Variants in VSNL1 observed in about 807,000 individuals in gnomAD.
The protein encoded by VSNL1 is visinin-like protein 1.
Under a neutral mutation model 20.4 loss-of-function variants are expected in VSNL1, and 6 were observed. The ratio of observed to expected loss-of-function variants is 0.29; its 90% CI spans 0.16 to 0.58. The LOEUF (loss-of-function observed/expected upper bound fraction) is 0.58. VSNL1 is among the 20% of genes least tolerant of loss of function. VSNL1 has a pLI of 0.90. For synonymous variants in VSNL1, 93 were observed against 86.4 expected (o/e 1.08, Z -0.42); for missense variants, 100 against 234.5 (o/e 0.43, Z 3.75).
rs1666078221 is a variant in VSNL1 at position 17,649,509 on chromosome 2, G to A, written c.262G>A (p.Ala88Thr). 4 of 1,614,146 alleles carry A rather than the reference G, an allele frequency of 2.5e-6. No individual in the cohort carries two copies. Among genetic ancestry groups the A allele is most frequent in the Non-Finnish European group, 1.7e-6 (2 of 1,180,026 alleles). ...GTIDFREFIC[A>T]LSITSRGSFE... ...CATTGACTTCCGAGAGTTCATCTGC[G>A]CTCTGTCCATCACCTCCAGGGGCAG... Residue 88 changes from alanine to threonine, a missense_variant, in exon 3 of 4, where the codon GCT (alanine) becomes ACT (threonine). Physicochemically the swap from Ala to Thr is moderately conservative, Grantham distance 58. Coordinates refer to ENST00000295156, the MANE Select transcript of VSNL1 (RefSeq NM_003385.5). The surrounding 1 kb of genome is among the most constrained non-coding windows in gnomAD (Gnocchi z 6.4).
In VSNL1 at chr2:17,555,054, C is replaced by T. The variant is rs769196100; in HGVS notation, c.-6+14136C>T. ...CCACTTAAAGGAAAATCTTTGTGCACATAACTCTGACTACAGGCTGCATAG... is the reference window on the plus strand; with the variant it reads ...CCACTTAAAGGAAAATCTTTGTGCATATAACTCTGACTACAGGCTGCATAG... On this transcript the variant is annotated intron_variant, in intron 1 of 3. Transcript: ENST00000295156. Among the ~76,000 whole-genome samples the T allele has an allele frequency of 1.3e-3, 197 of 151,572 alleles. 1 individual carries two copies. The highest frequency in any genetic ancestry group is 2.1e-3 in the Non-Finnish European group (142 of 67,678).
chr2:17,635,225 G>C (rs1334939644), intron 2 of VSNL1, among the ~76,000 whole-genome samples: 1 of 152,194 alleles, frequency 6.6e-6, no homozygotes, highest in Admixed American at 6.5e-5. Context: ...CTCGGAGATG[G>C]AACACTCAGG....
chr2:17,649,591 A>G lies in VSNL1; in HGVS notation c.344A>G (p.Lys115Arg). ...FNMYDLDGDG[K>R]ITRVEMLEII... ...ATGTATGACCTGGATGGTGATGGCAAGATCACCCGAGTGGAGATGCTGGAG... is the reference window on the plus strand; with the variant it reads ...ATGTATGACCTGGATGGTGATGGCAGGATCACCCGAGTGGAGATGCTGGAG... Residue 115 changes from lysine to arginine, a missense_variant, in exon 3 of 4, where the codon AAG becomes AGG. Coordinates refer to ENST00000295156, the MANE Select transcript of VSNL1 (RefSeq NM_003385.5). This position sits in a 1 kb window ranked among gnomAD's most constrained non-coding sequence, Gnocchi z 6.4. 1 of 1,614,170 alleles carries G rather than the reference A, an allele frequency of 6.2e-7. No individual in the cohort carries two copies. The highest frequency in any genetic ancestry group is 8.5e-7 in the Non-Finnish European group (1 of 1,180,044).
At chr2:17,577,940 G>A (rs918863364) in intron 1 of VSNL1, among the ~76,000 whole-genome samples, 2 of 151,928 alleles carry the variant, frequency 1.3e-5, no homozygotes, top group Admixed American at 6.6e-5. Context: ...TAACCTTCTC[G>A]GTAAGCCTCA....
intron 1 of VSNL1, among the ~76,000 whole-genome samples, chr2:17,554,721 TA>T (rs1195702832): frequency 6.6e-6 from 1 of 152,042 alleles, no homozygotes; most frequent in Non-Finnish European, 1.5e-5. Flanking sequence ...CTTTTTTAAG[TA>T]AAAAGAGTAA....
chr2:17,593,551 T>C lies in VSNL1; in HGVS notation c.162+1315T>C, dbSNP rs76458026. 4.1e-3 allele frequency among the ~76,000 whole-genome samples: 630 copies of C among 152,182 alleles called. 6 individuals are homozygous for C. The highest frequency in any genetic ancestry group is 0.014 in the African/African-American group (584 of 41,520). On this transcript the variant is annotated intron_variant, in intron 2 of 3. Transcript: ENST00000295156. The stretch of plus-strand genomic sequence containing the variant: ...AAGTGGGGAAGACCAAGGGATGAAA[T>C]TGGGGGTATGGCCATGTGGTTAGAT...
intron 2 of VSNL1, among the ~76,000 whole-genome samples, chr2:17,631,533 A>G (rs1665628961): frequency 6.6e-6 from 1 of 152,242 alleles, no homozygotes; most frequent in Non-Finnish European, 1.5e-5. Context: ...ATGGGTCACA[A>G]GTAAGATTTG....
At chr2:17,652,487 G>C (rs1015646448) in intron 3 of VSNL1, among the ~76,000 whole-genome samples, 106 of 152,344 alleles carry the variant, frequency 7.0e-4, no homozygotes, top group Middle Eastern at 3.4e-3. Context: ...TAGTTTCAGA[G>C]GAGTTGGTGG....
At chr2:17,581,717 C>G (rs1664353272) in intron 1 of VSNL1, among the ~76,000 whole-genome samples, 1 of 152,216 alleles carries the variant, frequency 6.6e-6, no homozygotes, top group Non-Finnish European at 1.5e-5. Flanking sequence ...CTGCTTTTCT[C>G]TCCCTAACAG....
At chr2:17,627,718 G>C (rs1434530984) in intron 2 of VSNL1, among the ~76,000 whole-genome samples, 1 of 152,200 alleles carries the variant, frequency 6.6e-6, no homozygotes, top group Non-Finnish European at 1.5e-5. Flanking sequence ...TCAAAAAGCA[G>C]ATCTTAGGTT....
intron 2 of VSNL1, among the ~76,000 whole-genome samples, chr2:17,595,771 C>T (rs536210419): frequency 2.0e-5 from 3 of 152,008 alleles, no homozygotes; most frequent in Admixed American, 6.6e-5. Context: ...GGAAAGGCCA[C>T]GGGAAGGCAC....
chr2:17,606,658 G>C (rs1223932313), intron 2 of VSNL1, among the ~76,000 whole-genome samples: 2 of 152,132 alleles, frequency 1.3e-5, no homozygotes, highest in African/African-American at 4.8e-5. Flanking sequence ...CTCATGCCTG[G>C]CACTGAGGAG....
intron 2 of VSNL1, among the ~76,000 whole-genome samples, chr2:17,621,306 C>CTCCTTTTCT (rs1466744831): frequency 2.2e-5 from 3 of 136,102 alleles, no homozygotes; most frequent in Non-Finnish European, 4.8e-5. Flanking sequence ...CTTTTTCTTT[C>CTCCTTTTCT]TTTCTCCTTT....
chr2:17,574,229 CT>C (rs1664151291), intron 1 of VSNL1, among the ~76,000 whole-genome samples: 1 of 151,278 alleles, frequency 6.6e-6, no homozygotes, highest in Non-Finnish European at 1.5e-5. Context: ...CTTTATATTT[CT>C]ATCAAAAAGT....
intron 2 of VSNL1, among the ~76,000 whole-genome samples, chr2:17,644,760 A>G (rs1340444729): frequency 6.6e-6 from 1 of 152,206 alleles, no homozygotes; most frequent in Non-Finnish European, 1.5e-5. Flanking sequence ...ACACTCATGA[A>G]ACAATAACTA....
At chr2:17,573,684 C>CG (rs1664134219) in intron 1 of VSNL1, among the ~76,000 whole-genome samples, 1 of 152,208 alleles carries the variant, frequency 6.6e-6, no homozygotes, top group Non-Finnish European at 1.5e-5. Context: ...CCTTATGCTT[C>CG]TCTGCAAGAT....
In VSNL1 at chr2:17,592,248, T is replaced by C; in HGVS notation, c.162+12T>C. The C allele has an allele frequency of 2.5e-6, 4 of 1,613,130 alleles. No individual in the cohort carries two copies. The highest frequency in any genetic ancestry group is 3.4e-6 in the Non-Finnish European group (4 of 1,179,324). On this transcript the variant is annotated intron_variant, in intron 2 of 3. Transcript: ENST00000295156. ...AGCTCTATGTGAAGGTAAGTTGTTT[T>C]TCAACCTTGTTTTTATTCCTTAGGC...
intron 1 of VSNL1, among the ~76,000 whole-genome samples, chr2:17,586,551 T>G (rs1412198347): frequency 6.6e-6 from 1 of 152,214 alleles, no homozygotes; most frequent in Non-Finnish European, 1.5e-5. Flanking sequence ...TGCTTCATAT[T>G]CCAAGACTTG....
intron 1 of VSNL1, among the ~76,000 whole-genome samples, chr2:17,585,615 A>G (rs562196530): frequency 5.0e-5 from 7 of 140,868 alleles, no homozygotes; most frequent in African/African-American, 1.9e-4. Context: ...AGTGGGGGAC[A>G]CCCATCCAGG....
Sources: gnomAD v4.1 joint callset for allele counts (sites outside exome capture counted in the v4.1 genomes callset) on GRCh38, gnomAD v4.1.1 for gene constraint, Gnocchi (gnomAD v3.1) non-coding constraint, MANE v1.5 for transcripts, NCBI Gene and HGNC (gene_info 2026-07-23, HGNC 2026-07-21) for gene names.